DPP10: variants seen among roughly 807,000 people sequenced by gnomAD.
The protein encoded by DPP10 is inactive dipeptidyl peptidase 10.
Under a neutral mutation model 120.9 loss-of-function variants are expected in DPP10, and 33 were observed. The ratio of observed to expected loss-of-function variants is 0.27; its 90% CI spans 0.21 to 0.37. The LOEUF is 0.37. Ranked by LOEUF, DPP10 falls within the 10% of genes least tolerant of loss-of-function variation. DPP10 has a pLI of 1.00. For synonymous variants in DPP10, 337 were observed against 326.1 expected (o/e 1.03, Z -0.36); for missense variants, 816 against 942.8 (o/e 0.87, Z 1.76).
intron 21 of DPP10, among the ~76,000 whole-genome samples, chr2:115,834,745 C>G (rs1689270965): frequency 6.6e-6 from 1 of 152,190 alleles, no homozygotes; most frequent in South Asian, 2.1e-4. Context: ...CTCCTTTACT[C>G]TTCATGAGTT....
intron 5 of DPP10, among the ~76,000 whole-genome samples, chr2:115,626,612 A>G (rs1323531536): frequency 6.6e-6 from 1 of 152,184 alleles, no homozygotes; most frequent in East Asian, 1.9e-4. Flanking sequence ...ATTGTATGAA[A>G]GAATTAGTGA....
intron 5 of DPP10, among the ~76,000 whole-genome samples, chr2:115,594,568 G>A (rs1479766034): frequency 6.6e-6 from 1 of 152,100 alleles, no homozygotes; most frequent in Non-Finnish European, 1.5e-5. Flanking sequence ...TAACACTTTA[G>A]CTCTCCAGTG....
rs368358143 is a variant in DPP10, at chr2:115,745,755, A to AGTTTGTTT, written c.853-308_853-301dup. On this transcript the variant is annotated intron_variant, in intron 9 of 25. Transcript: ENST00000410059. ...AATGTGAATAACTACTTGATCTACT[A>AGTTTGTTT]GTTTGTTTGTTTGTTTGTTTGTTTG... Among the ~76,000 whole-genome samples, 3 of 139,920 alleles carry AGTTTGTTT rather than the reference A, an allele frequency of 2.1e-5. 1 individual carries two copies. In the South Asian group the frequency reaches 6.6e-4, roughly 31 times the overall value. 91.8% of individuals were successfully genotyped at this position (139,920 alleles called of 152,430 possible).
At chr2:115,045,002 C>T (rs1462561123) in intron 1 of DPP10, among the ~76,000 whole-genome samples, 1 of 152,126 alleles carries the variant, frequency 6.6e-6, no homozygotes, top group Non-Finnish European at 1.5e-5. Context: ...ACCAGATTTT[C>T]TTTATCCATT....
At chr2:114,629,954 A>G (rs1460343294) in intron 1 of DPP10, among the ~76,000 whole-genome samples, 1 of 152,192 alleles carries the variant, frequency 6.6e-6, no homozygotes, top group Non-Finnish European at 1.5e-5. Context: ...GTGTATCTAT[A>G]TAAATAAATC....
chr2:115,646,697 G>T (rs1300182721), intron 5 of DPP10, among the ~76,000 whole-genome samples: 1 of 152,080 alleles, frequency 6.6e-6, no homozygotes, highest in Non-Finnish European at 1.5e-5. Context: ...TATTTAGTTT[G>T]GGCAGGTTAA....
intron 1 of DPP10, among the ~76,000 whole-genome samples, chr2:114,996,375 T>A (rs2104965748): frequency 6.6e-6 from 1 of 152,330 alleles, no homozygotes; most frequent in Admixed American, 6.5e-5. Context: ...ATGGAGAGTA[T>A]GTCTATTTAA....
intron 1 of DPP10, among the ~76,000 whole-genome samples, chr2:114,998,336 A>G (rs543375801): frequency 6.6e-6 from 1 of 152,294 alleles, no homozygotes; most frequent in East Asian, 1.9e-4. Flanking sequence ...CTGATTCTTC[A>G]TAGGACTTTT....
At chr2:114,806,797 A>G (rs760991840) in intron 1 of DPP10, among the ~76,000 whole-genome samples, 3 of 152,228 alleles carry the variant, frequency 2.0e-5, no homozygotes, top group Non-Finnish European at 4.4e-5. Context: ...GCTTGAGTCA[A>G]AAACTTATAA....
chr2:115,366,008 T>C (rs1053157151), intron 3 of DPP10, among the ~76,000 whole-genome samples: 1 of 152,046 alleles, frequency 6.6e-6, no homozygotes, highest in Non-Finnish European at 1.5e-5. Flanking sequence ...TATAGATTTA[T>C]TTTGTTATGC....
chr2:114,481,027 G>A (rs189046988), intron 1 of DPP10, among the ~76,000 whole-genome samples: 2 of 148,358 alleles, frequency 1.3e-5, no homozygotes, highest in African/African-American at 2.5e-5. Flanking sequence ...GCAGTTAGGG[G>A]AAAAAAAAAC....
chr2:114,511,150 T>C (rs1042212613), intron 1 of DPP10, among the ~76,000 whole-genome samples: 1 of 152,202 alleles, frequency 6.6e-6, no homozygotes, highest in Non-Finnish European at 1.5e-5. Context: ...GGTATATAGG[T>C]ATAGATAAAT....
intron 5 of DPP10, among the ~76,000 whole-genome samples, chr2:115,600,652 C>T (rs2083266358): frequency 6.6e-6 from 1 of 152,162 alleles, no homozygotes; most frequent in Non-Finnish European, 1.5e-5. Context: ...TAACATTAAT[C>T]CACAAAGCTG....
At chr2:114,494,733 T>C (rs183203133) in intron 1 of DPP10, among the ~76,000 whole-genome samples, 252 of 152,158 alleles carry the variant, frequency 1.7e-3, no homozygotes, top group Admixed American at 4.8e-3. Flanking sequence ...TCTGATTGAG[T>C]ATACATTACT....
chr2:115,175,526 A>G (rs960286505), intron 1 of DPP10, among the ~76,000 whole-genome samples: 2 of 152,202 alleles, frequency 1.3e-5, no homozygotes, highest in African/African-American at 2.4e-5. Context: ...TGTTAAAAAC[A>G]AAAAAATAAG....
At chr2:115,461,364 T>C (rs2073974807) in intron 3 of DPP10, among the ~76,000 whole-genome samples, 1 of 152,214 alleles carries the variant, frequency 6.6e-6, no homozygotes, top group Admixed American at 6.5e-5. Context: ...GATTTTGTTA[T>C]ATGAAAATTT....
intron 12 of DPP10, among the ~76,000 whole-genome samples, chr2:115,766,284 A>ATGTGTGTGTGTGTGTGTGTGTG (rs1367029368): frequency 2.0e-5 from 1 of 50,196 alleles, no homozygotes; most frequent in East Asian, 8.4e-4. Context: ...CTCATTATAT[A>ATGTGTGTGTGTGTGTGTGTGTG]TATGTGTGTG....
chr2:115,159,330 C>T (rs892702537), intron 1 of DPP10, among the ~76,000 whole-genome samples: 2 of 151,954 alleles, frequency 1.3e-5, no homozygotes, highest in Admixed American at 1.3e-4. Context: ...TGGTGGCGCG[C>T]GCCTGTAGTC....
chr2:115,213,512 C>T (rs2056641483), intron 1 of DPP10, among the ~76,000 whole-genome samples: 1 of 152,042 alleles, frequency 6.6e-6, no homozygotes, highest in African/African-American at 2.4e-5. Flanking sequence ...ATACTGCTTA[C>T]CTTCGCTCTT....
Sources: allele counts gnomAD v4.1 joint callset (sites outside exome capture counted in the v4.1 genomes callset), GRCh38; gene constraint gnomAD v4.1.1; transcripts MANE v1.5; gene names NCBI Gene and HGNC (gene_info 2026-07-23, HGNC 2026-07-21).